ALDH1L1: variants seen among roughly 807,000 people sequenced by gnomAD.
ALDH1L1 encodes the protein cytosolic 10-formyltetrahydrofolate dehydrogenase.
A neutral mutation model predicts 101.1 loss-of-function variants in ALDH1L1; 68 were observed. The observed-to-expected ratio is 0.67, with a 90% CI of 0.55 to 0.82. The LOEUF is 0.82. ALDH1L1 is among the 40% of genes least tolerant of loss of function. The probability of loss-of-function intolerance (pLI) is 0.00; values close to 1 mark genes in which losing one functional copy is unlikely to be tolerated. For missense variants in ALDH1L1, 1,087 were observed against 1,172.7 expected, an observed-to-expected ratio of 0.93 and a Z score of 1.07; for synonymous variants, 486 against 470.8, an observed-to-expected ratio of 1.03 and a Z score of -0.42.
At chr3:126,174,763 G>A (rs1270035127) in intron 1 of ALDH1L1, among the ~76,000 whole-genome samples, 4 of 152,040 alleles carry the variant, frequency 2.6e-5, no homozygotes, top group Non-Finnish European at 5.9e-5. Context: ...GTGTTTAGAG[G>A]GAAATTTAGA....
At chr3:126,195,095 GGCTAA>G (rs1290009344) in intron 1 of ALDH1L1, among the ~76,000 whole-genome samples, 1 of 151,652 alleles carries the variant, frequency 6.6e-6, no homozygotes, top group Non-Finnish European at 1.5e-5. Flanking sequence ...CAAGATGCAT[GGCTAA>G]TTCCACATGT....
chr3:126,115,857 G>A (rs1482473291), intron 17 of ALDH1L1, among the ~76,000 whole-genome samples: 7 of 151,840 alleles, frequency 4.6e-5, no homozygotes, highest in Non-Finnish European at 7.4e-5. Context: ...TTACAGGCAT[G>A]AGCCACAGCA....
chr3:126,106,226 C>T (rs1211241698), intron 21 of ALDH1L1, among the ~76,000 whole-genome samples: 2 of 152,138 alleles, frequency 1.3e-5, no homozygotes, highest in Non-Finnish European at 2.9e-5. Context: ...CAGAAGGACC[C>T]ACATGTGCCC....
intron 15 of ALDH1L1, among the ~76,000 whole-genome samples, chr3:126,125,386 G>A (rs1242809510): frequency 6.6e-6 from 1 of 152,224 alleles, no homozygotes; most frequent in Non-Finnish European, 1.5e-5. Flanking sequence ...AGCACAGCCA[G>A]ATGGCCTCAA....
chr3:126,135,476 G>A (rs776645186), intron 12 of ALDH1L1, 59 bp downstream of exon 12: 34 of 1,544,380 alleles, frequency 2.2e-5, no homozygotes, highest in Admixed American at 1.7e-4. Context: ...AGTCCCCCCC[G>A]TGCCACTGCC....
intron 2 of ALDH1L1, chr3:126,159,482 T>C (rs769651901): frequency 4.4e-6 from 2 of 456,762 alleles, no homozygotes; most frequent in South Asian, 3.1e-5. Context: ...TTCAGTTCTC[T>C]GTTAGAGCCT....
At chr3:126,176,340 T>C (rs1483730236) in intron 1 of ALDH1L1, among the ~76,000 whole-genome samples, 1 of 152,196 alleles carries the variant, frequency 6.6e-6, no homozygotes, top group Non-Finnish European at 1.5e-5. Context: ...ATTCTCAAGT[T>C]TATTTGGAGA....
At chr3:126,158,051 C>G (rs543060024) in intron 3 of ALDH1L1, among the ~76,000 whole-genome samples, 1 of 152,014 alleles carries the variant, frequency 6.6e-6, no homozygotes, top group Non-Finnish European at 1.5e-5. Context: ...CCCAGCCCAC[C>G]GCCTGGGGTG....
chr3:126,171,533 T>A (rs2081276086), intron 1 of ALDH1L1, among the ~76,000 whole-genome samples: 2 of 152,218 alleles, frequency 1.3e-5, no homozygotes, highest in South Asian at 4.1e-4. Context: ...AAAATAAATG[T>A]CTTAACTGGC....
At chr3:126,103,985 C>T (rs1481246081) in intron 22 of ALDH1L1, 139 bp from the exon 23 acceptor site, 4 of 920,552 alleles carry the variant, frequency 4.3e-6, no homozygotes, top group South Asian at 1.5e-5. Flanking sequence ...CGAGGCCCAG[C>T]GAGGTCATGA....
At chr3:126,163,844 T>C (rs2081110086) in intron 1 of ALDH1L1, among the ~76,000 whole-genome samples, 1 of 152,286 alleles carries the variant, frequency 6.6e-6, no homozygotes, top group African/African-American at 2.4e-5. Flanking sequence ...GTAAGAAATA[T>C]TGACATGAAC....
At chr3:126,185,216 C>T (rs1452895854), upstream of ALDH1L1, among the ~76,000 whole-genome samples, 2 of 152,230 alleles carry the variant, frequency 1.3e-5, no homozygotes, top group Admixed American at 6.5e-5. Context: ...AGGTCCTCTC[C>T]AGCCCCATGC....
intron 7 of ALDH1L1, 114 bp from the exon 8 acceptor site, chr3:126,150,645 C>T: frequency 2.3e-6 from 3 of 1,307,420 alleles, no homozygotes; most frequent in Non-Finnish European, 2.0e-6. Flanking sequence ...ACCTCCGCCT[C>T]CCGGGTTGAA....
chr3:126,114,569 C>A lies in ALDH1L1; in HGVS notation c.2070G>T (p.Lys690Asn). 1 of 1,508,716 alleles carries A rather than the reference C, an allele frequency of 6.6e-7. No homozygotes were observed. Among genetic ancestry groups the A allele is most frequent in the East Asian group, 2.3e-5 (1 of 43,658 alleles). The allele number at this position is 1,508,716 out of a possible 1,614,324, so 93.5% of individuals were successfully genotyped here. Residue 690 changes from lysine to asparagine, a missense_variant, in exon 18 of 23, where the codon AAG (lysine) becomes AAT (asparagine). Coordinates refer to ENST00000393434, the MANE Select transcript of ALDH1L1 (RefSeq NM_012190.4). ...GCCCGGCCCTCACCATCTGCACAGC[C>A]TTGTTGAGGTCACAGTCAGCAAAGA... is the stretch of plus-strand genomic sequence containing the variant. The part of the protein sequence containing the change: ...LIIFADCDLN[K>N]AVQMGMSSVF...
At chr3:126,119,233 G>A (rs779588294) in intron 16 of ALDH1L1, among the ~76,000 whole-genome samples, 1 of 152,030 alleles carries the variant, frequency 6.6e-6, no homozygotes, top group Non-Finnish European at 1.5e-5. Context: ...CAACCAAATC[G>A]GCCTCTCCAG....
At chr3:126,164,993 T>G (rs1365659394) in intron 1 of ALDH1L1, among the ~76,000 whole-genome samples, 1 of 152,170 alleles carries the variant, frequency 6.6e-6, no homozygotes, top group African/African-American at 2.4e-5. Context: ...TATTAAAATT[T>G]TCCTCATTTT....
At chr3:126,163,240 G>A (rs189197704) in intron 1 of ALDH1L1, among the ~76,000 whole-genome samples, 45 of 152,132 alleles carry the variant, frequency 3.0e-4, no homozygotes, top group Non-Finnish European at 5.1e-4. Context: ...TTAAAAATTG[G>A]TTTGTCTTTT....
intron 1 of ALDH1L1, among the ~76,000 whole-genome samples, chr3:126,194,744 T>C (rs2081572208): frequency 6.6e-6 from 1 of 152,196 alleles, no homozygotes; most frequent in African/African-American, 2.4e-5. Context: ...TTTAGCCCTC[T>C]AAACTAGGCA....
Position 126,155,482 on chromosome 3 carries a change from C to T in ALDH1L1, c.550G>A (p.Ala184Thr), listed in dbSNP as rs767466721. ...KGMVQAVRLI[A>T]EGKAPRLPQP... ...GGGAGTCTGGGGGCTTTGCCCTCAG[C>T]GATCAGCCTCACGGCCTGCACCTGG... The change falls in exon 5 of 23, where the codon GCT (alanine) becomes ACT (threonine). Residue 184 changes from alanine to threonine, a missense_variant. Physicochemically the swap from Ala to Thr is moderately conservative, Grantham distance 58. Around this residue, in one of 2 missense-constraint regions of ALDH1L1, gnomAD observed 645 missense variants for 637.0 expected, o/e 1.01. Transcript: ENST00000393434. 5.0e-6 allele frequency: 8 copies of T among 1,612,678 alleles called. No homozygotes were observed. Among genetic ancestry groups the T allele is most frequent in the East Asian group, 4.5e-5 (2 of 44,804 alleles).
Sources: allele counts gnomAD v4.1 joint callset (sites outside exome capture counted in the v4.1 genomes callset), GRCh38; gene constraint gnomAD v4.1.1; regional missense constraint gnomAD v4.1.1; transcripts MANE v1.5; gene names NCBI Gene and HGNC (gene_info 2026-07-23, HGNC 2026-07-21).